STK24: variants seen among roughly 807,000 people sequenced by gnomAD.
STK24 encodes serine/threonine kinase 24.
In STK24, 21 loss-of-function variants were observed where a neutral mutation model predicts 55.6. The observed-to-expected ratio is 0.38, with a 90% CI of 0.27 to 0.54. The LOEUF is 0.54. Among genes scored for constraint, STK24 ranks in the 20% least tolerant of loss-of-function variants. STK24 has a pLI of 0.79. For synonymous variants in STK24, 200 were observed against 215.2 expected, an observed-to-expected ratio of 0.93 and a Z score of 0.62; for missense variants, 383 against 538.4, an observed-to-expected ratio of 0.71 and a Z score of 2.86.
Position 98,549,470 on chromosome 13 carries a change from C to T in STK24, c.42+27275G>A, listed in dbSNP as rs958526132. ...GCAATCCCCAGTGTTGGAGGTGGGG[C>T]CTGCTGGGAGGTGTTTGGATCATGG... On this transcript the variant is annotated intron_variant, in intron 1 of 10. Transcript: ENST00000539966. 2.0e-5 allele frequency among the ~76,000 whole-genome samples: 3 copies of T among 152,174 alleles called. No individual in the cohort carries two copies. In the South Asian group the frequency reaches 6.2e-4, roughly 31 times the overall value.
At position 98,574,806 on chromosome 13, in the gene STK24, A is replaced by T. The variant is rs1448871853; in HGVS notation, c.42+1939T>A. 2.0e-5 allele frequency among the ~76,000 whole-genome samples: 3 copies of T among 152,172 alleles called. No individual in the cohort carries two copies. The East Asian group carries it at 5.8e-4, about 29-fold the overall frequency. ...GTTGAGAGGCAAAGTTATTAAGGAA[A>T]TGTATCTTCTTTTCCCAAGGTTTAA... On this transcript the variant is annotated intron_variant, in intron 1 of 10. Coordinates refer to ENST00000539966, the MANE Select transcript of STK24 (RefSeq NM_001032296.4).
At chr13:98,555,680 TC>T (rs1249008910) in intron 1 of STK24, among the ~76,000 whole-genome samples, 1 of 142,452 alleles carries the variant, frequency 7.0e-6, no homozygotes, top group East Asian at 2.0e-4. Flanking sequence ...AGCCTCCCTG[TC>T]TTTTTTTTTT....
At chr13:98,458,219 A>G (rs1355874584) in intron 9 of STK24, among the ~76,000 whole-genome samples, 1 of 152,210 alleles carries the variant, frequency 6.6e-6, no homozygotes, top group Non-Finnish European at 1.5e-5. Flanking sequence ...GTCAACTCCA[A>G]GTCTCTCTCT....
chr13:98,481,879 T>C (rs1052973747), intron 3 of STK24, among the ~76,000 whole-genome samples: 2 of 151,976 alleles, frequency 1.3e-5, no homozygotes, highest in African/African-American at 4.8e-5. Flanking sequence ...AAAACCCTAT[T>C]TCTACCCAAA....
intron 2 of STK24, among the ~76,000 whole-genome samples, chr13:98,490,709 G>A (rs186928889): frequency 4.6e-5 from 7 of 151,986 alleles, no homozygotes; most frequent in Admixed American, 3.9e-4. Context: ...GAGAAAACCC[G>A]GATTGGACAA....
chr13:98,479,402 G>A (rs1223187721), intron 3 of STK24, among the ~76,000 whole-genome samples: 7 of 152,022 alleles, frequency 4.6e-5, no homozygotes, highest in Admixed American at 3.3e-4. Context: ...ACTGTCTCTA[G>A]TCTCCACCTG....
intron 1 of STK24, among the ~76,000 whole-genome samples, chr13:98,557,624 C>T (rs997397268): frequency 1.3e-5 from 2 of 152,224 alleles, no homozygotes; most frequent in African/African-American, 2.4e-5. Flanking sequence ...AAACTGTCAA[C>T]GCCCAAAATG....
At position 98,446,773 on chromosome 13, in the gene STK24, C is replaced by T; in HGVS notation, c.*6400G>A. On this transcript the variant is annotated 3_prime_UTR_variant, in exon 11 of 11. Transcript: ENST00000539966. ...ACGTGTTCAAGCTGCACTTCAAGTC[C>T]CACGTCTACTACTTCAGGGCGGAAA... The T allele has an allele frequency of 6.2e-7, 1 of 1,614,176 alleles. No individual in the cohort carries two copies. Among genetic ancestry groups the T allele is most frequent in the South Asian group, 1.1e-5 (1 of 91,068 alleles).
At chr13:98,521,886 AC>A (rs1896274443) in intron 1 of STK24, 2 of 868,170 alleles carry the variant, frequency 2.3e-6, no homozygotes, top group Non-Finnish European at 2.0e-6. Flanking sequence ...TTCGTCAGTA[AC>A]CCCCTTCTCG....
intron 1 of STK24, among the ~76,000 whole-genome samples, chr13:98,552,650 G>A (rs1897184669): frequency 6.6e-6 from 1 of 152,056 alleles, no homozygotes; most frequent in Admixed American, 6.6e-5. Flanking sequence ...GGCTACCGAG[G>A]GCGCCTTGAG....
chr13:98,456,525 T>C (rs1361212794), intron 10 of STK24: 2 of 516,274 alleles, frequency 3.9e-6, no homozygotes, highest in Non-Finnish European at 7.9e-6. Flanking sequence ...TTGTGCCAGA[T>C]GGCAGTCAGG....
At chr13:98,510,015 A>C (rs1370516817) in intron 2 of STK24, among the ~76,000 whole-genome samples, 1 of 152,228 alleles carries the variant, frequency 6.6e-6, no homozygotes, top group East Asian at 1.9e-4. Flanking sequence ...CTGTACAATC[A>C]TTATGTAGCC....
At chr13:98,552,283 G>C (rs1259212363) in intron 1 of STK24, among the ~76,000 whole-genome samples, 1 of 152,092 alleles carries the variant, frequency 6.6e-6, no homozygotes, top group Non-Finnish European at 1.5e-5. Flanking sequence ...CCACCCACAG[G>C]AACAAGGATG....
intron 1 of STK24, among the ~76,000 whole-genome samples, chr13:98,535,162 A>G (rs1189163551): frequency 6.6e-6 from 1 of 152,082 alleles, no homozygotes; most frequent in Admixed American, 6.6e-5. Context: ...CAGCCTGACC[A>G]GCGTGTATTT....
chr13:98,572,633 T>G (rs1449014320), intron 1 of STK24, among the ~76,000 whole-genome samples: 2 of 152,106 alleles, frequency 1.3e-5, no homozygotes, highest in African/African-American at 2.4e-5. Flanking sequence ...ACTATCCTGA[T>G]GCAAGGGGCA....
At chr13:98,479,665 G>C (rs900037882) in intron 3 of STK24, among the ~76,000 whole-genome samples, 1 of 152,158 alleles carries the variant, frequency 6.6e-6, no homozygotes, top group Admixed American at 6.5e-5. Flanking sequence ...CCCCTCTCTA[G>C]GGTGCCCCAG....
intron 2 of STK24, among the ~76,000 whole-genome samples, chr13:98,490,970 G>C (rs1044892607): frequency 8.5e-5 from 13 of 152,190 alleles, no homozygotes; most frequent in Non-Finnish European, 1.3e-4. Flanking sequence ...GAAAACGAGA[G>C]AGAGCTGCAA....
At chr13:98,564,403 A>G (rs1897512866) in intron 1 of STK24, among the ~76,000 whole-genome samples, 1 of 152,204 alleles carries the variant, frequency 6.6e-6, no homozygotes, top group Admixed American at 6.5e-5. Flanking sequence ...GAGGAAGGCA[A>G]GCGGTACTGA....
rs867014417 is a variant in STK24 at position 98,447,079 on chromosome 13, G to T, written c.*6094C>A. 2.2e-6 allele frequency: 1 copy of T among 455,584 alleles called. No individual in the cohort carries two copies. The highest frequency in any genetic ancestry group is 4.0e-5 in the East Asian group (1 of 24,728). 28.2% of individuals were successfully genotyped at this position (455,584 alleles called of 1,614,324 possible). On this transcript the variant is annotated 3_prime_UTR_variant, in exon 11 of 11. Coordinates refer to ENST00000539966, the MANE Select transcript of STK24 (RefSeq NM_001032296.4). ...CTTGCTTGGAGATCTCTGACATAACGTGTCCGGGATGATGAAGCTAAGCCC... is the reference window on the plus strand; with the variant it reads ...CTTGCTTGGAGATCTCTGACATAACTTGTCCGGGATGATGAAGCTAAGCCC...
Sources: gnomAD v4.1 joint callset for allele counts (sites outside exome capture counted in the v4.1 genomes callset) on GRCh38, gnomAD v4.1.1 for gene constraint, MANE v1.5 for transcripts, NCBI Gene and HGNC (gene_info 2026-07-23, HGNC 2026-07-21) for gene names.